The following RNF217 variants were observed in gnomAD, a reference collection of about 807,000 sequenced individuals.
RNF217 encodes E3 ubiquitin-protein ligase RNF217.
RNF217 carries 31 observed loss-of-function variants against 57.8 expected under a neutral mutation model. The observed-to-expected ratio is 0.54, with a 90% CI of 0.40 to 0.72. The LOEUF is 0.72. Among genes scored for constraint, RNF217 ranks in the 30% least tolerant of loss-of-function variants. The pLI is 0.00. For missense variants in RNF217, 696 were observed against 708.3 expected (o/e 0.98, Z 0.20); for synonymous variants, 313 against 294.0 (o/e 1.06, Z -0.66).
Position 125,014,916 on chromosome 6 carries a change from A to G in RNF217, c.883-30295A>G, listed in dbSNP as rs559247681. Among the ~76,000 whole-genome samples the G allele has an allele frequency of 1.1e-4, 17 of 152,284 alleles. No homozygotes were observed. In the East Asian group the frequency reaches 2.9e-3, roughly 26 times the overall value. ...ACCCAAAGCCCCTTCCTAATAAACC[A>G]TGTTGACCCTGCTCAAAATCCTCTT... On this transcript the variant is annotated intron_variant, in intron 1 of 5. Transcript: ENST00000521654.
chr6:125,081,670 C>A (rs891781332), intron 5 of RNF217, among the ~76,000 whole-genome samples, 163 bp downstream of exon 5: 5 of 152,028 alleles, frequency 3.3e-5, no homozygotes, highest in African/African-American at 1.2e-4. Context: ...GTCAGAGGAG[C>A]GTGTTTCCTG....
chr6:125,074,300 GATA>G (rs1402622172), intron 3 of RNF217, among the ~76,000 whole-genome samples: 6 of 28,544 alleles, frequency 2.1e-4, no homozygotes, highest in Admixed American at 1.0e-3. Context: ...AAGATAGGTA[GATA>G]GATAGATAGA....
At chr6:125,071,022 A>G (rs1241179878) in intron 3 of RNF217, among the ~76,000 whole-genome samples, 3 of 152,154 alleles carry the variant, frequency 2.0e-5, no homozygotes, top group African/African-American at 7.2e-5. Flanking sequence ...CTTCTACCTT[A>G]TGATTAGGTA....
At chr6:125,051,281 A>G (rs1787306232) in intron 2 of RNF217, among the ~76,000 whole-genome samples, 1 of 151,884 alleles carries the variant, frequency 6.6e-6, no homozygotes, top group Non-Finnish European at 1.5e-5. Context: ...CCTTTATCCT[A>G]TTGTCATTGG....
In RNF217 at chr6:125,085,713, C is replaced by G. The variant is rs1258740812; in HGVS notation, c.*2776C>G. 10 of 151,964 alleles carry G rather than the reference C, an allele frequency of 6.6e-5. No individual in the cohort carries two copies. The South Asian group carries it at 1.9e-3, about 28-fold the overall frequency. The allele number at this position is 151,964 out of a possible 1,614,324, so 9.4% of individuals were successfully genotyped here. A position where few individuals can be genotyped will look rare whatever the true frequency, so the allele number is the denominator to read the frequency against. On this transcript the variant is annotated 3_prime_UTR_variant, in exon 6 of 6. Coordinates refer to ENST00000521654, the MANE Select transcript of RNF217 (RefSeq NM_001286398.3). Reference sequence around the variant, plus strand: ...ATACAACTTTCTCTACTTACCCCACCTCTTATTTTCTAGGGGTAACCACTG... The same window carrying G: ...ATACAACTTTCTCTACTTACCCCACGTCTTATTTTCTAGGGGTAACCACTG...
At position 125,089,994 on chromosome 6, in the gene RNF217, AATTTC is replaced by A. The variant is rs1221239824; in HGVS notation, c.*7061_*7065del. 1 of 152,114 alleles carries A rather than the reference AATTTC, an allele frequency of 6.6e-6. No homozygotes were observed. Among genetic ancestry groups the A allele is most frequent in the East Asian group, 1.9e-4 (1 of 5,196 alleles). 9.4% of individuals were successfully genotyped at this position (152,114 alleles called of 1,614,324 possible). ...ATGAAAAGTCTAGATAAAGTATCAT[AATTTC>A]ATTATCAGCTGACAAGAAACCCTTC... is the stretch of plus-strand genomic sequence containing the variant. On this transcript the variant is annotated 3_prime_UTR_variant, in exon 6 of 6. Coordinates refer to ENST00000521654, the MANE Select transcript of RNF217 (RefSeq NM_001286398.3).
rs1014289481 is a variant in RNF217 at position 125,087,247 on chromosome 6, C to T, written c.*4310C>T. The T allele has an allele frequency of 2.0e-5, 3 of 152,080 alleles. No homozygotes were observed. Among genetic ancestry groups the T allele is most frequent in the African/African-American group, 4.8e-5 (2 of 41,432 alleles). The allele number at this position is 152,080 out of a possible 1,614,324, so 9.4% of individuals were successfully genotyped here. ...TTAGAATTACAAAAAAGTTAGTGGC[C>T]TCTATAACCTTAATTGGCATACTTT... is the stretch of plus-strand genomic sequence containing the variant. On this transcript the variant is annotated 3_prime_UTR_variant, in exon 6 of 6. Coordinates refer to ENST00000521654, the MANE Select transcript of RNF217 (RefSeq NM_001286398.3).
At chr6:125,044,557 G>A (rs1787022482) in intron 1 of RNF217, among the ~76,000 whole-genome samples, 4 of 152,008 alleles carry the variant, frequency 2.6e-5, no homozygotes, top group Admixed American at 1.3e-4. Context: ...CGCAGTAGCA[G>A]CCAGATTTCA....
chr6:125,032,778 A>G (rs1038357207), intron 1 of RNF217, among the ~76,000 whole-genome samples: 3 of 152,162 alleles, frequency 2.0e-5, no homozygotes, highest in African/African-American at 7.2e-5. Flanking sequence ...ATAAGAGGAT[A>G]AGGGAGCACG....
intron 1 of RNF217, among the ~76,000 whole-genome samples, chr6:125,014,856 C>T (rs1785545765): frequency 6.6e-6 from 1 of 152,142 alleles, no homozygotes; most frequent in South Asian, 2.1e-4. Flanking sequence ...GTTAGGGACT[C>T]AGTCATGCAT....
chr6:125,079,897 T>C (rs1788512007), intron 4 of RNF217, among the ~76,000 whole-genome samples: 1 of 152,076 alleles, frequency 6.6e-6, no homozygotes, highest in Non-Finnish European at 1.5e-5. Context: ...GAATAAGAGA[T>C]AGTATGCCTA....
At chr6:125,039,291 G>T (rs1020886447) in intron 1 of RNF217, among the ~76,000 whole-genome samples, 3 of 151,868 alleles carry the variant, frequency 2.0e-5, no homozygotes, top group African/African-American at 7.3e-5. Context: ...CGAAGCAAGG[G>T]TTGCAATCCT....
intron 1 of RNF217, chr6:124,983,425 AGGACAAATGTGAATTTAGAGCCTGAGTG>A: frequency 1.0e-6 from 1 of 985,042 alleles, no homozygotes; most frequent in Non-Finnish European, 1.2e-6. Context: ...AAATATGGTC[AGGACAAATGTGAATTTAGAGCCTGAGTG>A]ATGGTTTAGT....
At chr6:124,979,680 T>A (rs185536997) in intron 1 of RNF217, among the ~76,000 whole-genome samples, 1 of 152,304 alleles carries the variant, frequency 6.6e-6, no homozygotes, top group Non-Finnish European at 1.5e-5. Flanking sequence ...GTATAGATCC[T>A]CCATGGAAAT....
intron 3 of RNF217, among the ~76,000 whole-genome samples, chr6:125,061,243 G>A (rs752206994): frequency 6.6e-6 from 1 of 151,892 alleles, no homozygotes; most frequent in Admixed American, 6.6e-5. Context: ...GCACATATTG[G>A]CAATTTGCTT....
chr6:125,087,391 T>A lies in RNF217; in HGVS notation c.*4454T>A, dbSNP rs1788801739. On this transcript the variant is annotated 3_prime_UTR_variant, in exon 6 of 6. Coordinates refer to ENST00000521654, the MANE Select transcript of RNF217 (RefSeq NM_001286398.3). The stretch of plus-strand genomic sequence containing the variant: ...TGGATTATATTTTTATTCTCCCATA[T>A]TTGTGGCTGAAATCTCTCCCAACTA... 1 of 152,172 alleles carries A rather than the reference T, an allele frequency of 6.6e-6. No homozygotes were observed. Among genetic ancestry groups the A allele is most frequent in the Non-Finnish European group, 1.5e-5 (1 of 68,024 alleles). 9.4% of individuals were successfully genotyped at this position (152,172 alleles called of 1,614,324 possible). A position where few individuals can be genotyped will look rare whatever the true frequency, so the allele number is the denominator to read the frequency against.
chr6:125,052,361 C>T, intron 2 of RNF217, among the ~76,000 whole-genome samples: 1 of 140,318 alleles, frequency 7.1e-6, no homozygotes, highest in African/African-American at 3.1e-5. Context: ...TTTTGGTCTG[C>T]TGTTGGTCCT....
chr6:125,044,333 A>T (rs1374396829), intron 1 of RNF217, among the ~76,000 whole-genome samples: 1 of 152,118 alleles, frequency 6.6e-6, no homozygotes, highest in Non-Finnish European at 1.5e-5. Context: ...CTTACGAAAA[A>T]TACTCTAGCT....
intron 3 of RNF217, among the ~76,000 whole-genome samples, chr6:125,058,406 G>A (rs1426536957): frequency 6.6e-6 from 1 of 152,080 alleles, no homozygotes; most frequent in Non-Finnish European, 1.5e-5. Context: ...GAAAAATATA[G>A]CGTAAAAGTG....
Sources: allele counts gnomAD v4.1 joint callset (sites outside exome capture counted in the v4.1 genomes callset), GRCh38; gene constraint gnomAD v4.1.1; transcripts MANE v1.5; gene names NCBI Gene and HGNC (gene_info 2026-07-23, HGNC 2026-07-21).